Variants in ARHGAP31 observed in about 807,000 individuals in gnomAD.
ARHGAP31 encodes Rho GTPase activating protein 31, also known as rho GTPase-activating protein 31.
ARHGAP31 carries 34 observed loss-of-function variants against 113.9 expected under a neutral mutation model. The observed-to-expected ratio is 0.30, with a 90% CI of 0.23 to 0.40. The LOEUF is 0.40. Ranked by LOEUF, ARHGAP31 falls within the 10% of genes least tolerant of loss-of-function variation. The pLI, the probability that ARHGAP31 is intolerant of heterozygous loss-of-function variation, is 1.00. For missense variants in ARHGAP31, 1,548 were observed against 1,767.1 expected (o/e 0.88, Z 2.22); for synonymous variants, 650 against 684.8 (o/e 0.95, Z 0.79).
chr3:119,325,465 A>G (rs2079832250), intron 1 of ARHGAP31, among the ~76,000 whole-genome samples: 1 of 152,100 alleles, frequency 6.6e-6, no homozygotes, highest in African/African-American at 2.4e-5. Context: ...GGCTTACCTA[A>G]GGCCACACTG....
At chr3:119,392,940 A>T (rs1253836275) in intron 7 of ARHGAP31, among the ~76,000 whole-genome samples, 1 of 151,976 alleles carries the variant, frequency 6.6e-6, no homozygotes, top group East Asian at 1.9e-4. Context: ...TTTAGTGTTT[A>T]CTCCTGTATA....
chr3:119,356,632 AAAAAAAAAAG>A (rs761995537), intron 1 of ARHGAP31, among the ~76,000 whole-genome samples: 27 of 148,672 alleles, frequency 1.8e-4, no homozygotes, highest in Admixed American at 4.7e-4. Context: ...CTCTGTCTCA[AAAAAAAAAAG>A]AAAAAAAAAG....
At chr3:119,315,950 C>T (rs907104035) in intron 1 of ARHGAP31, among the ~76,000 whole-genome samples, 8 of 152,280 alleles carry the variant, frequency 5.3e-5, no homozygotes, top group Admixed American at 1.3e-4. Flanking sequence ...TCTTCAAAAT[C>T]CTATGAAGTC....
rs373541869 is a variant in ARHGAP31 at position 119,322,546 on chromosome 3, G to A, written c.100+27542G>A. ...CCATCCTTGCAAGCCCGCGGCCAGCGCCTCCACCCACGCTCCGGCCTTGCT... is the reference window on the plus strand; with the variant it reads ...CCATCCTTGCAAGCCCGCGGCCAGCACCTCCACCCACGCTCCGGCCTTGCT... On this transcript the variant is annotated intron_variant, in intron 1 of 11. Coordinates refer to ENST00000264245, the MANE Select transcript of ARHGAP31 (RefSeq NM_020754.4). The A allele has an allele frequency of 1.1e-4, 17 of 153,252 alleles. 1 individual carries two copies. The highest frequency in any genetic ancestry group is 6.8e-3 in the Middle Eastern group (2 of 296). The allele number at this position is 153,252 out of a possible 1,614,324, so 9.5% of individuals were successfully genotyped here.
chr3:119,411,003 G>A (rs1559997194), intron 11 of ARHGAP31, among the ~76,000 whole-genome samples: 2 of 152,162 alleles, frequency 1.3e-5, no homozygotes, highest in Non-Finnish European at 2.9e-5. Context: ...TAACTTAGAT[G>A]GAAGAAAGGG....
At position 119,415,527 on chromosome 3, in the gene ARHGAP31, G is replaced by A; in HGVS notation, c.3598G>A (p.Val1200Ile). ...GGTCAAAATGTGCCAGGCCAGGGCG[G>A]TCCCAGTCATCCCTCCCAAGATTCA... ...FMVKMCQARA[V>I]PVIPPKIQYT... The change falls in exon 12 of 12, where the codon GTC becomes ATC. Residue 1200 changes from valine (V) to isoleucine (I), a missense_variant. Val to Ile is a conservative substitution (Grantham distance 29, BLOSUM62 3). Coordinates refer to ENST00000264245, the MANE Select transcript of ARHGAP31 (RefSeq NM_020754.4). 6.2e-7 allele frequency: 1 copy of A among 1,614,096 alleles called. No homozygotes were observed. The highest frequency in any genetic ancestry group is 8.5e-7 in the Non-Finnish European group (1 of 1,180,030).
intron 3 of ARHGAP31, among the ~76,000 whole-genome samples, chr3:119,372,688 G>A (rs1460660632): frequency 1.3e-5 from 2 of 152,166 alleles, no homozygotes; most frequent in Non-Finnish European, 2.9e-5. Flanking sequence ...GATAATAGCT[G>A]TCAATAATTG....
chr3:119,369,641 T>C (rs2107624928), intron 3 of ARHGAP31, among the ~76,000 whole-genome samples: 1 of 152,284 alleles, frequency 6.6e-6, no homozygotes, highest in South Asian at 2.1e-4. Flanking sequence ...AAAAATATGT[T>C]TAGGAGTTTT....
Position 119,415,137 on chromosome 3 carries a change from G to C in ARHGAP31, c.3208G>C (p.Glu1070Gln). The C allele has an allele frequency of 6.2e-7, 1 of 1,614,222 alleles. No homozygotes were observed. The highest frequency in any genetic ancestry group is 8.5e-7 in the Non-Finnish European group (1 of 1,180,040). Residue 1070 changes from glutamate to glutamine, a missense_variant, in exon 12 of 12, where the codon GAG becomes CAG. By Grantham distance (29) the Glu-to-Gln change is conservative. Coordinates refer to ENST00000264245, the MANE Select transcript of ARHGAP31 (RefSeq NM_020754.4). ...GGVPGPESSKESSPSVQDSTS... is the reference protein window; with the variant it reads ...GGVPGPESSKQSSPSVQDSTS... ...TGTTCCTGGGCCAGAGAGCAGCAAGGAGAGTTCACCCAGCGTGCAGGACAG... is the reference window on the plus strand; with the variant it reads ...TGTTCCTGGGCCAGAGAGCAGCAAGCAGAGTTCACCCAGCGTGCAGGACAG...
Position 119,380,932 on chromosome 3 carries a change from G to C in ARHGAP31, c.377G>C (p.Gly126Ala), listed in dbSNP as rs748526834. The change falls in exon 4 of 12, where the codon GGC becomes GCC. Residue 126 changes from glycine (G) to alanine (A), a missense_variant. Gly to Ala is a moderately conservative substitution (Grantham distance 60). Coordinates refer to ENST00000264245, the MANE Select transcript of ARHGAP31 (RefSeq NM_020754.4). ...GCAGTGTCGCATTGCCCTGAAGAAG[G>C]CCAACTGGCCCGAATCCAAAATGTT... is the stretch of plus-strand genomic sequence containing the variant. ...TEAVSHCPEEGQLARIQNVIQ... is the reference protein window; with the variant it reads ...TEAVSHCPEEAQLARIQNVIQ... The C allele has an allele frequency of 1.2e-6, 2 of 1,614,152 alleles. No individual in the cohort carries two copies. The highest frequency in any genetic ancestry group is 1.7e-6 in the Non-Finnish European group (2 of 1,179,998).
At chr3:119,325,062 C>G in intron 1 of ARHGAP31, 1 of 436,366 alleles carries the variant, frequency 2.3e-6, no homozygotes, top group Non-Finnish European at 4.6e-6. Flanking sequence ...TGAACACTCT[C>G]AGTGTGTTTG....
chr3:119,378,076 C>T (rs1412126300), intron 3 of ARHGAP31, among the ~76,000 whole-genome samples: 1 of 152,150 alleles, frequency 6.6e-6, no homozygotes, highest in Non-Finnish European at 1.5e-5. Flanking sequence ...GCTGGCCTTA[C>T]TGACACTGAT....
At chr3:119,412,365 G>C (rs976985762) in intron 11 of ARHGAP31, among the ~76,000 whole-genome samples, 1 of 151,192 alleles carries the variant, frequency 6.6e-6, no homozygotes, top group Non-Finnish European at 1.5e-5. Flanking sequence ...TCCAGCCTGG[G>C]TGACAAAAGT....
rs1342759476 is a variant in ARHGAP31, at chr3:119,414,202, T to C, written c.2273T>C (p.Val758Ala). 17 of 1,614,030 alleles carry C rather than the reference T, an allele frequency of 1.1e-5. No individual in the cohort carries two copies. The East Asian group carries it at 3.8e-4, about 36-fold the overall frequency. ...GCCAGCCTGGCTCCTCTGGAAATAGTTCCTTTTGAGAAGGCATCTCCACAA... is the reference window on the plus strand; with the variant it reads ...GCCAGCCTGGCTCCTCTGGAAATAGCTCCTTTTGAGAAGGCATCTCCACAA... Reference protein sequence around the residue: ...DLASLAPLEIVPFEKASPQAT... With the variant: ...DLASLAPLEIAPFEKASPQAT... Residue 758 changes from valine to alanine, a missense_variant, in exon 12 of 12, where the codon GTT becomes GCT. Val to Ala is a moderately conservative substitution (Grantham distance 64). Transcript: ENST00000264245.
chr3:119,359,804 G>T (rs1279061159), intron 1 of ARHGAP31, among the ~76,000 whole-genome samples: 1 of 152,140 alleles, frequency 6.6e-6, no homozygotes, highest in Non-Finnish European at 1.5e-5. Flanking sequence ...AATCTTTACT[G>T]CGTCTCTTGG....
At position 119,382,686 on chromosome 3, in the gene ARHGAP31, T is replaced by C. The variant is rs1286305603; in HGVS notation, c.539+287T>C. The stretch of plus-strand genomic sequence containing the variant: ...ATTTCTTGAAAAGGCCTTTATTGTT[T>C]TGGGGGCTCACTGCCTTGTTTTGGT... On this transcript the variant is annotated intron_variant, in intron 5 of 11. Transcript: ENST00000264245. 1.3e-5 allele frequency among the ~76,000 whole-genome samples: 2 copies of C among 152,168 alleles called. 1 individual carries two copies. Among genetic ancestry groups the C allele is most frequent in the East Asian group, 3.9e-4 (2 of 5,184 alleles).
chr3:119,297,060 C>T (rs868790205), intron 1 of ARHGAP31, among the ~76,000 whole-genome samples: 1 of 152,092 alleles, frequency 6.6e-6, no homozygotes, highest in Admixed American at 6.5e-5. Context: ...TGAAAGGAAA[C>T]GCAACTGACC....
chr3:119,403,190 C>T (rs1393811882), intron 10 of ARHGAP31, among the ~76,000 whole-genome samples: 6 of 152,144 alleles, frequency 3.9e-5, no homozygotes, highest in African/African-American at 9.7e-5. Flanking sequence ...GTTTCTTTTC[C>T]GTTAATATTA....
chr3:119,368,228 G>A, intron 2 of ARHGAP31, 144 bp from the exon 3 acceptor site: 1 of 1,049,268 alleles, frequency 9.5e-7, no homozygotes, highest in Non-Finnish European at 1.4e-6. Context: ...CTAGGGCCTG[G>A]AGTAGAAGAT....
Sources: gnomAD v4.1 joint callset for allele counts (sites outside exome capture counted in the v4.1 genomes callset) on GRCh38, gnomAD v4.1.1 for gene constraint, MANE v1.5 for transcripts, NCBI Gene and HGNC (gene_info 2026-07-23, HGNC 2026-07-21) for gene names.